The following ARAP2 variants were observed in gnomAD, a reference collection of about 807,000 sequenced individuals.
ARAP2 encodes arf-GAP with Rho-GAP domain, ANK repeat and PH domain-containing protein 2.
Under a neutral mutation model 194.5 loss-of-function variants are expected in ARAP2, and 148 were observed. The ratio of observed to expected loss-of-function variants is 0.76; its 90% CI spans 0.67 to 0.87. The LOEUF is 0.87. Ranked by LOEUF, ARAP2 falls within the 40% of genes least tolerant of loss-of-function variation. The pLI is 0.00. For synonymous variants in ARAP2, 695 were observed against 683.5 expected (o/e 1.02, Z -0.26); for missense variants, 2,128 against 1,989.7 (o/e 1.07, Z -1.32).
chr4:36,027,320 T>C (rs573035143), intron 5 of ARAP2, among the ~76,000 whole-genome samples: 1 of 152,050 alleles, frequency 6.6e-6, no homozygotes, highest in South Asian at 2.1e-4. Context: ...GATTCTAACC[T>C]AAATCCATCT....
At chr4:36,214,298 G>T in intron 3 of ARAP2, 124 bp downstream of exon 3, 2 of 602,926 alleles carry the variant, frequency 3.3e-6, no homozygotes, top group African/African-American at 1.9e-5. Context: ...TATGAACACT[G>T]GCAGACAGTT....
intron 16 of ARAP2, among the ~76,000 whole-genome samples, chr4:36,150,534 C>T (rs964385573): frequency 4.0e-5 from 6 of 151,634 alleles, no homozygotes; most frequent in South Asian, 2.1e-4. Context: ...CCCAGTTACT[C>T]GGGAGGCTGA....
chr4:36,154,292 T>A (rs1040649319), intron 15 of ARAP2, among the ~76,000 whole-genome samples: 1 of 152,202 alleles, frequency 6.6e-6, no homozygotes, highest in African/African-American at 2.4e-5. Flanking sequence ...GTAATCCTTT[T>A]CATTTAAAAT....
intron 10 of ARAP2, among the ~76,000 whole-genome samples, chr4:36,166,181 A>G (rs1375313670): frequency 6.6e-6 from 1 of 152,114 alleles, no homozygotes; most frequent in African/African-American, 2.4e-5. Context: ...AGTATATTTG[A>G]AATTCCTAAT....
At chr4:36,065,264 TG>T, downstream of ARAP2, 1 of 429,926 alleles carries the variant, frequency 2.3e-6, no homozygotes, top group Non-Finnish European at 4.8e-6. Context: ...CATCAGGCCT[TG>T]TTGAGGGCCA....
intron 8 of ARAP2, among the ~76,000 whole-genome samples, chr4:36,180,583 TTTTG>T (rs1404289618): frequency 2.0e-5 from 3 of 152,232 alleles, no homozygotes; most frequent in African/African-American, 4.8e-5. Context: ...ACATAATGGT[TTTTG>T]TTTGTTTCTT....
intron 8 of ARAP2, among the ~76,000 whole-genome samples, chr4:36,185,247 A>G (rs1007169214): frequency 2.0e-5 from 3 of 152,236 alleles, no homozygotes; most frequent in African/African-American, 7.2e-5. Flanking sequence ...GCTTTCGTTC[A>G]ACATTATTTT....
intron 14 of ARAP2, 97 bp downstream of exon 14, chr4:36,159,234 G>A: frequency 7.9e-7 from 1 of 1,258,280 alleles, no homozygotes; most frequent in Non-Finnish European, 1.0e-6. Context: ...TCTTCATTCT[G>A]ATGGTTTCTC....
At chr4:36,070,465 G>A (rs1726578731) in intron 32 of ARAP2, among the ~76,000 whole-genome samples, 1 of 152,232 alleles carries the variant, frequency 6.6e-6, no homozygotes, top group Admixed American at 6.5e-5. Flanking sequence ...ACAGGGTGCT[G>A]AGGGAAAACC....
intron 7 of ARAP2, among the ~76,000 whole-genome samples, chr4:36,188,010 T>C (rs926399466): frequency 6.6e-6 from 1 of 152,188 alleles, no homozygotes; most frequent in Non-Finnish European, 1.5e-5. Context: ...CTTAAACACA[T>C]ATCGGGTTTT....
At chr4:36,110,304 T>C (rs1359314922) in intron 26 of ARAP2, among the ~76,000 whole-genome samples, 1 of 151,900 alleles carries the variant, frequency 6.6e-6, no homozygotes, top group African/African-American at 2.4e-5. Flanking sequence ...AACAGCAGTT[T>C]ATGTGTCAGT....
intron 32 of ARAP2, among the ~76,000 whole-genome samples, chr4:36,071,693 A>ATTTTT (rs55918222): frequency 6.8e-6 from 1 of 147,128 alleles, no homozygotes; most frequent in African/African-American, 2.5e-5. Context: ...TTTTTTTTTA[A>ATTTTT]TTTTTTTTCT....
chr4:36,043,587 T>C (rs1172234203), intron 5 of ARAP2, among the ~76,000 whole-genome samples: 1 of 151,778 alleles, frequency 6.6e-6, no homozygotes, highest in Non-Finnish European at 1.5e-5. Flanking sequence ...ATGAAGCAAA[T>C]TGTCTAAAGC....
chr4:36,226,458 T>A (rs1258918482), intron 2 of ARAP2, among the ~76,000 whole-genome samples: 13 of 152,324 alleles, frequency 8.5e-5, no homozygotes, highest in Non-Finnish European at 1.5e-4. Context: ...GGACAAGAAG[T>A]TGAGACCAAA....
intron 1 of ARAP2, among the ~76,000 whole-genome samples, chr4:36,243,383 C>CAAAAA (rs71201008): frequency 3.6e-4 from 31 of 85,078 alleles, no homozygotes; most frequent in African/African-American, 5.5e-4. Context: ...GACAAGCTTG[C>CAAAAA]AAAAAAAAAA....
rs1713807341 is a variant in ARAP2 at position 36,092,035 on chromosome 4, A to T, written c.4286-15T>A. ...TGTACTCCGGTCTGTAAAGTACAGC[A>T]TTACTTTTGTGAGTTGGGTACGTTT... On this transcript the variant is annotated splice_polypyrimidine_tract_variant and intron_variant, in intron 27 of 32. Coordinates refer to ENST00000303965, the MANE Select transcript of ARAP2 (RefSeq NM_015230.4). 2.0e-6 allele frequency: 3 copies of T among 1,491,430 alleles called. No individual in the cohort carries two copies. The highest frequency in any genetic ancestry group is 2.7e-6 in the Non-Finnish European group (3 of 1,105,034). 92.4% of individuals were successfully genotyped at this position (1,491,430 alleles called of 1,614,324 possible). A position where few individuals can be genotyped will look rare whatever the true frequency, so the allele number is the denominator to read the frequency against.
At chr4:36,012,741 TTAC>T (rs1577525023) in exon 9 of ARAP2, 1 of 152,292 alleles carries the variant, frequency 6.6e-6, no homozygotes, top group East Asian at 1.9e-4. Flanking sequence ...GATTCCAGGG[TTAC>T]AGAGCAGAGT....
At chr4:36,180,180 G>A (rs1313702678) in intron 8 of ARAP2, among the ~76,000 whole-genome samples, 1 of 152,118 alleles carries the variant, frequency 6.6e-6, no homozygotes, top group African/African-American at 2.4e-5. Flanking sequence ...GCTGAGGCAT[G>A]AGAATAGCTT....
At chr4:36,013,241 A>G (rs759714441) in intron 8 of ARAP2, among the ~76,000 whole-genome samples, 1 of 152,190 alleles carries the variant, frequency 6.6e-6, no homozygotes. Context: ...AAAATTTAGA[A>G]TTTTATACGG....
Sources: gnomAD v4.1 joint callset for allele counts (sites outside exome capture counted in the v4.1 genomes callset) on GRCh38, gnomAD v4.1.1 for gene constraint, MANE v1.5 for transcripts, NCBI Gene and HGNC (gene_info 2026-07-23, HGNC 2026-07-21) for gene names.